Variants in NAPA observed in about 807,000 individuals in gnomAD.
The protein encoded by NAPA is alpha-soluble NSF attachment protein.
Under a neutral mutation model 48.0 loss-of-function variants are expected in NAPA, and 18 were observed. The ratio of observed to expected loss-of-function variants is 0.38; its 90% confidence interval spans 0.26 to 0.56. NAPA has a LOEUF of 0.56. Ranked by LOEUF, NAPA falls within the 20% of genes least tolerant of loss-of-function variation. NAPA has a pLI of 0.77. For missense variants in NAPA, 315 were observed against 385.0 expected, an observed-to-expected ratio of 0.82 and a Z score of 1.52; for synonymous variants, 152 against 149.9, an observed-to-expected ratio of 1.01 and a Z score of -0.10.
At chr19:47,485,160 G>A (rs945596077), downstream of NAPA, among the ~76,000 whole-genome samples, 1 of 152,054 alleles carries the variant, frequency 6.6e-6, no homozygotes, top group African/African-American at 2.4e-5. Flanking sequence ...CAACTGTTCT[G>A]CAAGGGCCTA....
At chr19:47,513,737 C>A (rs1269940308) in intron 1 of NAPA, among the ~76,000 whole-genome samples, 1 of 151,778 alleles carries the variant, frequency 6.6e-6, no homozygotes, top group Non-Finnish European at 1.5e-5. Flanking sequence ...CCCCCTGTCT[C>A]TCCCTGTTAT....
rs1260383605 is a variant in NAPA at position 47,514,759 on chromosome 19, G to A, written c.98+84C>T. The A allele has an allele frequency of 8.2e-6, 11 of 1,345,188 alleles. No homozygotes were observed. The South Asian group carries it at 1.4e-4, about 17-fold the overall frequency. The allele number at this position is 1,345,188 out of a possible 1,614,324, so 83.3% of individuals were successfully genotyped here. A position where few individuals can be genotyped will look rare whatever the true frequency, so the allele number is the denominator to read the frequency against. On this transcript the variant is annotated intron_variant, in intron 1 of 10. Transcript: ENST00000263354. ...TCTCCGTCCCCTCGGCCCGAGCTCT[G>A]CGTGCCCTAACCCGCCACCTCCGAG... is the stretch of plus-strand genomic sequence containing the variant.
chr19:47,489,339 C>T (rs1422695137), intron 10 of NAPA: 1 of 263,790 alleles, frequency 3.8e-6, no homozygotes, highest in Non-Finnish European at 7.4e-6. Flanking sequence ...CCCCTTCCCT[C>T]CCCGTCTGTG....
At chr19:47,489,887 G>A in intron 9 of NAPA, 126 bp from the exon 10 acceptor site, 1 of 910,904 alleles carries the variant, frequency 1.1e-6, no homozygotes, top group Non-Finnish European at 1.7e-6. Flanking sequence ...ACTCTCAGAG[G>A]GTCAATCCGT....
At chr19:47,503,227 A>G (rs1382757491) in intron 2 of NAPA, among the ~76,000 whole-genome samples, 196 bp downstream of exon 2, 2 of 152,214 alleles carry the variant, frequency 1.3e-5, no homozygotes, top group Admixed American at 6.5e-5. Flanking sequence ...CTGTCCTTTC[A>G]CCAAGGCCCC....
At chr19:47,510,767 A>T (rs1230679458) in intron 1 of NAPA, among the ~76,000 whole-genome samples, 1 of 152,196 alleles carries the variant, frequency 6.6e-6, no homozygotes, top group Non-Finnish European at 1.5e-5. Flanking sequence ...AGGAGGAACT[A>T]GTGTGCCTGG....
At chr19:47,496,685 G>A (rs1314470395) in intron 3 of NAPA, 4 of 288,228 alleles carry the variant, frequency 1.4e-5, no homozygotes, top group South Asian at 5.8e-5. Flanking sequence ...ACCAAGAAGC[G>A]CCGGGGCTGG....
At chr19:47,503,692 G>A (rs1003381426) in intron 1 of NAPA, among the ~76,000 whole-genome samples, 190 bp from the exon 2 acceptor site, 1 of 152,184 alleles carries the variant, frequency 6.6e-6, no homozygotes, top group Admixed American at 6.5e-5. Context: ...ACTTCGGGCA[G>A]ACCAGCTCCC....
In NAPA at chr19:47,514,989, G is replaced by A. The variant is rs531273163; in HGVS notation, c.-49C>T. ...AAGCGCCTGACCCTGACCCTGGGAAGACTCAGCCGCGGCCGGGCCGCGGAA... is the reference window on the plus strand; with the variant it reads ...AAGCGCCTGACCCTGACCCTGGGAAAACTCAGCCGCGGCCGGGCCGCGGAA... On this transcript the variant is annotated 5_prime_UTR_variant, in exon 1 of 11. Transcript: ENST00000263354. The A allele has an allele frequency of 1.0e-5, 16 of 1,575,018 alleles. No homozygotes were observed. The highest frequency in any genetic ancestry group is 2.2e-5 in the South Asian group (2 of 89,614).
intron 1 of NAPA, among the ~76,000 whole-genome samples, chr19:47,510,870 C>A (rs1968792572): frequency 6.6e-6 from 1 of 152,226 alleles, no homozygotes; most frequent in Non-Finnish European, 1.5e-5. Flanking sequence ...AGCTGCGCCC[C>A]CATCACCAAG....
chr19:47,496,808 A>G (rs1361492998), intron 3 of NAPA: 1 of 450,418 alleles, frequency 2.2e-6, no homozygotes, highest in South Asian at 1.6e-5. Flanking sequence ...AGGGAGTCCA[A>G]CCCCTCCTTC....
At chr19:47,496,652 T>C in intron 3 of NAPA, 2 of 274,226 alleles carry the variant, frequency 7.3e-6, no homozygotes, top group Non-Finnish European at 1.5e-5. Flanking sequence ...ACCCAGGCCA[T>C]GTTCGCCTGA....
intron 7 of NAPA, chr19:47,492,634 C>T (rs1224194556): frequency 1.5e-5 from 7 of 476,154 alleles, no homozygotes; most frequent in African/African-American, 3.9e-5. Flanking sequence ...CCACGGCCAC[C>T]CTGGGCCTCT....
At chr19:47,503,547 T>C (rs1332186729) in intron 1 of NAPA, 45 bp from the exon 2 acceptor site, 1 of 1,581,780 alleles carries the variant, frequency 6.3e-7, no homozygotes, top group Non-Finnish European at 8.7e-7. Flanking sequence ...TAGTCGGCTA[T>C]CCAGGAGAAA....
chr19:47,493,092 G>C lies in NAPA; in HGVS notation c.476+27C>G. On this transcript the variant is annotated intron_variant, in intron 6 of 10. Coordinates refer to ENST00000263354, the MANE Select transcript of NAPA (RefSeq NM_003827.4). This position sits in a 1 kb window ranked among gnomAD's most constrained non-coding sequence, Gnocchi z 6.4. Reference sequence around the variant, plus strand: ...GGGGAAGTGGTGGCGGTCCCTGCGGGGCTGGGGCAGGCAGGAAGGGGGCTA... The same window carrying C: ...GGGGAAGTGGTGGCGGTCCCTGCGGCGCTGGGGCAGGCAGGAAGGGGGCTA... 5.0e-6 allele frequency: 8 copies of C among 1,614,032 alleles called. No individual in the cohort carries two copies. Among genetic ancestry groups the C allele is most frequent in the African/African-American group, 1.3e-5 (1 of 75,024 alleles).
intron 4 of NAPA, chr19:47,495,205 G>A (rs1968388637): frequency 2.9e-6 from 1 of 341,758 alleles, no homozygotes; most frequent in African/African-American, 2.1e-5. Flanking sequence ...TGTTGCCCAG[G>A]CTGGTCTCGA....
intron 3 of NAPA, 118 bp downstream of exon 3, chr19:47,500,515 G>A: frequency 1.3e-6 from 1 of 750,906 alleles, no homozygotes; most frequent in Non-Finnish European, 2.1e-6. Context: ...GCCCCTGCCA[G>A]CCTATCACAT....
intron 1 of NAPA, among the ~76,000 whole-genome samples, chr19:47,504,756 T>A (rs1170900866): frequency 6.6e-6 from 1 of 152,124 alleles, no homozygotes; most frequent in Non-Finnish European, 1.5e-5. Flanking sequence ...CACACATATT[T>A]TTAAGTATTA....
At chr19:47,510,482 C>T (rs1968785062) in intron 1 of NAPA, among the ~76,000 whole-genome samples, 1 of 152,138 alleles carries the variant, frequency 6.6e-6, no homozygotes, top group African/African-American at 2.4e-5. Context: ...GCAACGTGCT[C>T]CCACCACTTC....
Sources: allele counts gnomAD v4.1 joint callset (sites outside exome capture counted in the v4.1 genomes callset), GRCh38; gene constraint gnomAD v4.1.1; non-coding constraint Gnocchi (gnomAD v3.1); transcripts MANE v1.5; gene names NCBI Gene and HGNC (gene_info 2026-07-23, HGNC 2026-07-21).